CTBP2: variants seen among roughly 807,000 people sequenced by gnomAD.
The protein encoded by CTBP2 is C-terminal-binding protein 2.
Under a neutral mutation model 80.3 loss-of-function variants are expected in CTBP2, and 30 were observed. That is an observed-to-expected ratio of 0.37 (90% CI 0.28 to 0.51). The LOEUF (loss-of-function observed/expected upper bound fraction) is 0.51. Ranked by LOEUF, CTBP2 falls within the 20% of genes least tolerant of loss-of-function variation. CTBP2 has a pLI of 0.93. For missense variants in CTBP2, 1,212 were observed against 1,375.3 expected (o/e 0.88, Z 1.88); for synonymous variants, 594 against 587.4 (o/e 1.01, Z -0.16).
upstream of CTBP2, chr10:125,028,099 G>C (rs561577362): frequency 3.9e-6 from 1 of 256,488 alleles, no homozygotes; most frequent in Admixed American, 5.0e-5. Flanking sequence ...CTCAGCATGC[G>C]GATTAGGAGC....
chr10:125,089,455 G>A (rs1367234467), intron 2 of CTBP2, among the ~76,000 whole-genome samples: 1 of 152,126 alleles, frequency 6.6e-6, no homozygotes, highest in Non-Finnish European at 1.5e-5. Flanking sequence ...CTAGGGGAGG[G>A]GTCAACCTGG....
chr10:125,078,502 C>G (rs1168752669), intron 2 of CTBP2, among the ~76,000 whole-genome samples: 1 of 150,626 alleles, frequency 6.6e-6, no homozygotes, highest in Non-Finnish European at 1.5e-5. Flanking sequence ...CAAGATTGTT[C>G]TACTTCCACA....
chr10:125,086,330 G>C (rs930954034), intron 2 of CTBP2, among the ~76,000 whole-genome samples: 2 of 152,076 alleles, frequency 1.3e-5, no homozygotes, highest in East Asian at 1.9e-4. Flanking sequence ...TCAGGAGTTC[G>C]AGACCAGCCT....
chr10:125,145,410 T>G (rs1858580052), intron 1 of CTBP2, among the ~76,000 whole-genome samples: 1 of 152,098 alleles, frequency 6.6e-6, no homozygotes, highest in African/African-American at 2.4e-5. Context: ...CCAGGGCCTC[T>G]CTGGGGACTG....
chr10:125,051,198 C>T (rs1189711618), intron 2 of CTBP2, among the ~76,000 whole-genome samples: 1 of 152,154 alleles, frequency 6.6e-6, no homozygotes, highest in African/African-American at 2.4e-5. Context: ...TTTATGTCCC[C>T]ACCCCAGACA....
At chr10:125,153,206 G>T (rs1176920508) in intron 1 of CTBP2, among the ~76,000 whole-genome samples, 1 of 152,242 alleles carries the variant, frequency 6.6e-6, no homozygotes. Context: ...AACATTCTCA[G>T]TTCCCTCAAC....
chr10:125,102,470 G>A (rs567106302), intron 2 of CTBP2, among the ~76,000 whole-genome samples: 4 of 152,296 alleles, frequency 2.6e-5, no homozygotes, highest in East Asian at 1.9e-4. Flanking sequence ...AGGGCTTTCC[G>A]GCCTTCAGCA....
chr10:124,990,044 T>C (rs1478860804), intron 8 of CTBP2, among the ~76,000 whole-genome samples: 1 of 146,392 alleles, frequency 6.8e-6, no homozygotes, highest in African/African-American at 2.5e-5. Flanking sequence ...GGCTAATAGT[T>C]TTTTTTTTTT....
intron 1 of CTBP2, chr10:125,026,025 CGCACCCCCCT>C: frequency 6.6e-7 from 1 of 1,521,492 alleles, no homozygotes; most frequent in Non-Finnish European, 8.8e-7. Context: ...TCTACAACCC[CGCACCCCCCT>C]GCTCCCCCCA....
In CTBP2 at chr10:125,158,169, AG is replaced by A. The variant is rs199975623; in HGVS notation, c.-206+2149del. Among the ~76,000 whole-genome samples the A allele has an allele frequency of 9.2e-3, 1,390 of 151,368 alleles. 51 individuals are homozygous for A. The highest frequency in any genetic ancestry group is 0.062 in the Admixed American group (941 of 15,186). On this transcript the variant is annotated intron_variant, in intron 1 of 10. Coordinates refer to the CTBP2 transcript ENST00000337195. Reference sequence around the variant, plus strand: ...AGAAAAGATTTATATTTAAAAAAAAAGGGGGGGGTTAAAAACCTCAGAATTC... The same window carrying A: ...AGAAAAGATTTATATTTAAAAAAAAAGGGGGGGTTAAAAACCTCAGAATTC...
chr10:125,003,953 C>T (rs761104729), intron 1 of CTBP2, among the ~76,000 whole-genome samples: 24 of 152,338 alleles, frequency 1.6e-4, no homozygotes, highest in Non-Finnish European at 2.9e-4. Context: ...CTCTCACCTG[C>T]GCTGGGTGAG....
At chr10:125,156,540 T>C (rs1860950323) in intron 1 of CTBP2, among the ~76,000 whole-genome samples, 1 of 152,220 alleles carries the variant, frequency 6.6e-6, no homozygotes, top group South Asian at 2.1e-4. Context: ...CACTCAGAGG[T>C]GTCCTTTTCG....
chr10:125,086,613 T>TAA (rs66522424), intron 2 of CTBP2, among the ~76,000 whole-genome samples: 13,223 of 115,692 alleles, frequency 0.11, 920 homozygotes, highest in East Asian at 0.31. Context: ...AAATTTTATT[T>TAA]AAAAAAAAAA....
intron 1 of CTBP2, among the ~76,000 whole-genome samples, chr10:125,144,540 G>T (rs1261071961): frequency 6.6e-6 from 1 of 152,150 alleles, no homozygotes; most frequent in Non-Finnish European, 1.5e-5. Flanking sequence ...AAGATAAAAA[G>T]GATTTGCCAC....
intron 1 of CTBP2, among the ~76,000 whole-genome samples, chr10:125,128,599 G>A (rs1855646235): frequency 6.6e-6 from 1 of 152,132 alleles, no homozygotes; most frequent in Admixed American, 6.5e-5. Context: ...AGGGAGGTGG[G>A]GGTCAAGGGA....
chr10:125,145,501 G>C (rs1189877971), intron 1 of CTBP2, among the ~76,000 whole-genome samples: 2 of 152,162 alleles, frequency 1.3e-5, no homozygotes, highest in African/African-American at 4.8e-5. Flanking sequence ...GGGCAGGGTA[G>C]GGCAGGGCAC....
intron 2 of CTBP2, among the ~76,000 whole-genome samples, chr10:125,098,568 C>A (rs1453263751): frequency 6.6e-6 from 1 of 151,652 alleles, no homozygotes; most frequent in Non-Finnish European, 1.5e-5. Flanking sequence ...AGAAGACCCC[C>A]CTATTTGTAC....
rs112353254 is a variant in CTBP2, at chr10:125,152,007, C to T, written c.-206+8312G>A. ...CATTTACAAGTGTAAAGGCGAGGCG[C>T]GAGGTGGGGGGGCCCGGGGGTGTCA... On this transcript the variant is annotated intron_variant, in intron 1 of 10. Transcript: ENST00000337195. Among the ~76,000 whole-genome samples the T allele has an allele frequency of 2.9e-3, 448 of 151,988 alleles. 3 individuals carry two copies. Among genetic ancestry groups the T allele is most frequent in the African/African-American group, 0.01 (419 of 41,480 alleles).
chr10:125,079,328 C>T (rs118077023), intron 2 of CTBP2, among the ~76,000 whole-genome samples: 3 of 152,256 alleles, frequency 2.0e-5, no homozygotes, highest in East Asian at 3.9e-4. Context: ...TGCCAGTCCA[C>T]GGTTCCCAGC....
Sources: allele counts gnomAD v4.1 joint callset (sites outside exome capture counted in the v4.1 genomes callset), GRCh38; gene constraint gnomAD v4.1.1; transcripts MANE v1.5; gene names NCBI Gene and HGNC (gene_info 2026-07-23, HGNC 2026-07-21).